WDR72: variants seen among roughly 807,000 people sequenced by gnomAD.
WDR72 encodes WD repeat domain 72, also known as WD repeat-containing protein 72.
In WDR72, 120 loss-of-function variants were observed where a neutral mutation model predicts 124.2. The ratio of observed to expected loss-of-function variants is 0.97; its 90% CI spans 0.83 to 1.12. The LOEUF is 1.12. Among genes scored for constraint, WDR72 ranks in the 50% most tolerant of loss-of-function variants. The pLI is 0.00. For synonymous variants in WDR72, 452 were observed against 441.7 expected, an observed-to-expected ratio of 1.02 and a Z score of -0.29; for missense variants, 1,387 against 1,278.8, an observed-to-expected ratio of 1.08 and a Z score of -1.29.
At chr15:53,517,795 T>TAAAAAGAGA (rs1222451884) in intron 19 of WDR72, 41 bp from the exon 20 acceptor site, 2 of 1,596,056 alleles carry the variant, frequency 1.3e-6, no homozygotes, top group Non-Finnish European at 8.6e-7. Context: ...TGGTGAAATC[T>TAAAAAGAGA]AAAAAGAGAA....
At chr15:53,524,528 A>G (rs1006697984) in intron 18 of WDR72, among the ~76,000 whole-genome samples, 2 of 151,992 alleles carry the variant, frequency 1.3e-5, no homozygotes, top group Admixed American at 6.6e-5. Flanking sequence ...TAGTGTTCAG[A>G]CCTGGCACAC....
chr15:53,750,623 C>T (rs78641068), intron 1 of WDR72, among the ~76,000 whole-genome samples: 3,760 of 152,256 alleles, frequency 0.025, 74 homozygotes, highest in Non-Finnish European at 0.038. Context: ...TATACCTGGA[C>T]AAAGTCAATT....
In WDR72 at chr15:53,702,444, G is replaced by A. The variant is rs2017212693; in HGVS notation, c.1349-90C>T. On this transcript the variant is annotated intron_variant, in intron 11 of 19. Coordinates refer to ENST00000360509, the MANE Select transcript of WDR72 (RefSeq NM_182758.4). Reference sequence around the variant, plus strand: ...TCTCTTCTATAAAATTTTAACATAAGGAAATTACATATAATTAAAGCATGC... The same window carrying A: ...TCTCTTCTATAAAATTTTAACATAAAGAAATTACATATAATTAAAGCATGC... 4.7e-6 allele frequency: 5 copies of A among 1,070,728 alleles called. No individual in the cohort carries two copies. In the Admixed American group the frequency reaches 9.5e-5, roughly 20 times the overall value. The allele number at this position is 1,070,728 out of a possible 1,614,324, so 66.3% of individuals were successfully genotyped here.
rs981396835 is a variant in WDR72 at position 53,669,020 on chromosome 15, G to C, written c.1766-3252C>G. Reference sequence around the variant, plus strand: ...GAGAAGGAGAAGGAGAAGGAGAAAAGAAGAAGGGAGGAAGGGAAAGAAGGG... The same window carrying C: ...GAGAAGGAGAAGGAGAAGGAGAAAACAAGAAGGGAGGAAGGGAAAGAAGGG... On this transcript the variant is annotated intron_variant, in intron 13 of 19. Transcript: ENST00000360509. Among the ~76,000 whole-genome samples the C allele has an allele frequency of 4.9e-5, 6 of 122,642 alleles. No homozygotes were observed. The East Asian group carries it at 1.6e-3, about 34-fold the overall frequency. 80.5% of individuals were successfully genotyped at this position (122,642 alleles called of 152,430 possible).
chr15:53,616,544 C>G (rs2013775350), intron 14 of WDR72, among the ~76,000 whole-genome samples: 1 of 151,802 alleles, frequency 6.6e-6, no homozygotes, highest in African/African-American at 2.4e-5. Flanking sequence ...ACTCTCATAT[C>G]TTTCTACTAT....
At chr15:53,678,026 A>G (rs1459786339) in intron 13 of WDR72, among the ~76,000 whole-genome samples, 1 of 152,196 alleles carries the variant, frequency 6.6e-6, no homozygotes, top group African/African-American at 2.4e-5. Flanking sequence ...CCATAATGCT[A>G]TGTGGTAGAG....
intron 2 of WDR72, among the ~76,000 whole-genome samples, chr15:53,730,011 T>C (rs556173700): frequency 4.9e-4 from 74 of 152,326 alleles, no homozygotes; most frequent in Non-Finnish European, 7.8e-4. Flanking sequence ...CAATTCCACT[T>C]CTCAGTATGT....
At chr15:53,757,571 C>T (rs778198847) in intron 1 of WDR72, among the ~76,000 whole-genome samples, 3 of 151,724 alleles carry the variant, frequency 2.0e-5, no homozygotes, top group Admixed American at 6.6e-5. Flanking sequence ...TGCAGTGAGC[C>T]GAGATAGTAC....
At chr15:53,750,261 A>G (rs2018742435) in intron 1 of WDR72, among the ~76,000 whole-genome samples, 1 of 152,184 alleles carries the variant, frequency 6.6e-6, no homozygotes, top group Non-Finnish European at 1.5e-5. Context: ...TATCATTCTA[A>G]CAATTCTAGG....
chr15:53,724,428 A>G (rs2017962765), intron 2 of WDR72, among the ~76,000 whole-genome samples: 1 of 152,220 alleles, frequency 6.6e-6, no homozygotes, highest in African/African-American at 2.4e-5. Context: ...AAAGAGGTTT[A>G]ACTGACTCAC....
intron 14 of WDR72, among the ~76,000 whole-genome samples, chr15:53,630,353 A>T (rs1480045631): frequency 1.3e-5 from 2 of 152,180 alleles, no homozygotes; most frequent in Non-Finnish European, 2.9e-5. Flanking sequence ...CACTTCCCAA[A>T]TCTCTCTAAG....
intron 14 of WDR72, among the ~76,000 whole-genome samples, chr15:53,631,187 T>C (rs947199997): frequency 3.3e-5 from 5 of 152,120 alleles, no homozygotes; most frequent in African/African-American, 7.2e-5. Flanking sequence ...TGGTACTACA[T>C]AGTGATTGAG....
intron 19 of WDR72, 35 bp downstream of exon 19, chr15:53,523,180 TATC>T (rs771633380): frequency 1.8e-5 from 29 of 1,598,272 alleles, no homozygotes; most frequent in Admixed American, 6.7e-5. Flanking sequence ...GTGTCAAATT[TATC>T]ATTTTATACT....
At chr15:53,726,023 G>A (rs1473163791) in intron 2 of WDR72, among the ~76,000 whole-genome samples, 1 of 150,856 alleles carries the variant, frequency 6.6e-6, no homozygotes, top group Non-Finnish European at 1.5e-5. Flanking sequence ...AGTGAGCCAA[G>A]ATTGCACCAC....
intron 2 of WDR72, among the ~76,000 whole-genome samples, chr15:53,730,721 G>A (rs1469373707): frequency 6.6e-6 from 1 of 151,978 alleles, no homozygotes; most frequent in Non-Finnish European, 1.5e-5. Flanking sequence ...CTTTTTTACA[G>A]TCTCTTCTGT....
At chr15:53,617,324 A>C (rs2140370472) in intron 14 of WDR72, among the ~76,000 whole-genome samples, 1 of 151,826 alleles carries the variant, frequency 6.6e-6, no homozygotes, top group Admixed American at 6.6e-5. Context: ...TATGAACCAA[A>C]ATGTTAACAA....
chr15:53,727,753 C>G (rs1240041003), intron 2 of WDR72, among the ~76,000 whole-genome samples: 1 of 152,180 alleles, frequency 6.6e-6, no homozygotes, highest in Admixed American at 6.5e-5. Flanking sequence ...AACATCATGG[C>G]CTTTCATATG....
At chr15:53,566,300 G>A (rs370428664) in intron 18 of WDR72, among the ~76,000 whole-genome samples, 3 of 151,930 alleles carry the variant, frequency 2.0e-5, no homozygotes, top group South Asian at 2.1e-4. Context: ...AGAGCAAGTG[G>A]TTTTAGCCAC....
chr15:53,647,568 C>CT (rs762348108), intron 14 of WDR72, among the ~76,000 whole-genome samples: 5 of 152,034 alleles, frequency 3.3e-5, no homozygotes, highest in Non-Finnish European at 7.4e-5. Flanking sequence ...CTCATGCTCC[C>CT]TCTCCTCAGT....
Sources: allele counts gnomAD v4.1 joint callset (sites outside exome capture counted in the v4.1 genomes callset), GRCh38; gene constraint gnomAD v4.1.1; transcripts MANE v1.5; gene names NCBI Gene and HGNC (gene_info 2026-07-23, HGNC 2026-07-21).